The following GSG1L variants were observed in gnomAD, a reference collection of about 807,000 sequenced individuals.
GSG1L encodes germ cell-specific gene 1-like protein.
GSG1L carries 24 observed loss-of-function variants against 42.1 expected under a neutral mutation model. The ratio of observed to expected loss-of-function variants is 0.57; its 90% CI spans 0.41 to 0.80. The LOEUF (loss-of-function observed/expected upper bound fraction) is 0.80. GSG1L is among the 30% of genes least tolerant of loss of function. The probability of loss-of-function intolerance (pLI) is 0.00; values close to 1 mark genes in which losing one functional copy is unlikely to be tolerated. For missense variants in GSG1L, 445 were observed against 472.2 expected, an observed-to-expected ratio of 0.94 and a Z score of 0.53; for synonymous variants, 215 against 203.5, an observed-to-expected ratio of 1.06 and a Z score of -0.48.
At chr16:28,039,070 C>T (rs911282003) in intron 1 of GSG1L, among the ~76,000 whole-genome samples, 3 of 152,122 alleles carry the variant, frequency 2.0e-5, no homozygotes, top group Non-Finnish European at 4.4e-5. Flanking sequence ...TTTTTCTAAC[C>T]TTAGAAAAGA....
chr16:27,872,525 G>A (rs572764370), intron 3 of GSG1L, among the ~76,000 whole-genome samples: 8 of 152,268 alleles, frequency 5.3e-5, no homozygotes, highest in African/African-American at 1.9e-4. Context: ...GGTAAAATGA[G>A]GCTGAGACCT....
intron 1 of GSG1L, among the ~76,000 whole-genome samples, chr16:28,005,109 TC>T (rs968362548): frequency 2.6e-5 from 4 of 152,164 alleles, no homozygotes; most frequent in African/African-American, 9.7e-5. Flanking sequence ...AGGATCTGTT[TC>T]CGGCCTCTCT....
chr16:27,955,189 A>G (rs1262627789), intron 2 of GSG1L, among the ~76,000 whole-genome samples: 1 of 152,216 alleles, frequency 6.6e-6, no homozygotes, highest in African/African-American at 2.4e-5. Flanking sequence ...GTAGAGAAGC[A>G]AACTTAAAAA....
At chr16:27,906,808 T>G (rs2141047723) in intron 2 of GSG1L, among the ~76,000 whole-genome samples, 1 of 152,318 alleles carries the variant, frequency 6.6e-6, no homozygotes, top group Non-Finnish European at 1.5e-5. Flanking sequence ...TTTACCCGTC[T>G]GTGAAACGGG....
At chr16:28,062,892 CT>C (rs1162707660) in intron 1 of GSG1L, among the ~76,000 whole-genome samples, 183 bp downstream of exon 1, 3 of 152,024 alleles carry the variant, frequency 2.0e-5, no homozygotes, top group Admixed American at 6.5e-5. Context: ...TCCCCCCATG[CT>C]GGTCCCCGGC....
intron 1 of GSG1L, among the ~76,000 whole-genome samples, chr16:28,054,078 A>G (rs1226748034): frequency 6.9e-6 from 1 of 144,946 alleles, no homozygotes; most frequent in Admixed American, 6.8e-5. Flanking sequence ...GTCACTCCCC[A>G]CTCCTCACAA....
chr16:27,886,079 T>C (rs1011930764), intron 2 of GSG1L, among the ~76,000 whole-genome samples: 3 of 152,298 alleles, frequency 2.0e-5, no homozygotes, highest in African/African-American at 7.2e-5. Flanking sequence ...CAGAGTGCCA[T>C]GTCCCTCCAA....
intron 1 of GSG1L, among the ~76,000 whole-genome samples, chr16:28,032,209 T>C (rs563257105): frequency 6.6e-6 from 1 of 152,342 alleles, no homozygotes; most frequent in South Asian, 2.1e-4. Flanking sequence ...AGGCTCTTTT[T>C]CTTAATTTTG....
chr16:27,984,600 G>A (rs578145731), intron 1 of GSG1L, among the ~76,000 whole-genome samples: 91 of 152,176 alleles, frequency 6.0e-4, no homozygotes, highest in African/African-American at 2.2e-3. Flanking sequence ...TTAATTAGAA[G>A]CTAATATTCA....
intron 2 of GSG1L, among the ~76,000 whole-genome samples, chr16:27,921,137 G>A (rs1268449482): frequency 1.3e-5 from 2 of 152,162 alleles, no homozygotes; most frequent in Non-Finnish European, 2.9e-5. Context: ...ACTCAGGCCT[G>A]ATGGTCAGCT....
intron 6 of GSG1L, among the ~76,000 whole-genome samples, chr16:27,799,958 G>A (rs920627901): frequency 6.6e-6 from 1 of 152,152 alleles, no homozygotes; most frequent in African/African-American, 2.4e-5. Flanking sequence ...CATCAGCATC[G>A]TGGAGAACTT....
intron 3 of GSG1L, among the ~76,000 whole-genome samples, chr16:27,864,940 G>C (rs949075187): frequency 1.8e-4 from 27 of 152,176 alleles, no homozygotes; most frequent in African/African-American, 5.6e-4. Context: ...CTCCCACTGA[G>C]TCCTACCGGG....
At chr16:27,944,627 A>AC (rs988883206) in intron 2 of GSG1L, among the ~76,000 whole-genome samples, 2 of 151,784 alleles carry the variant, frequency 1.3e-5, no homozygotes, top group African/African-American at 4.8e-5. Flanking sequence ...GCCTCAAAAA[A>AC]AAAAAAAAAG....
At chr16:27,799,473 A>G (rs995307575) in intron 6 of GSG1L, among the ~76,000 whole-genome samples, 3 of 152,218 alleles carry the variant, frequency 2.0e-5, no homozygotes, top group Non-Finnish European at 2.9e-5. Context: ...TGAGCCCAGG[A>G]TATCAAGGCT....
intron 2 of GSG1L, among the ~76,000 whole-genome samples, chr16:27,907,148 CG>C (rs1245326698): frequency 6.6e-6 from 1 of 152,172 alleles, no homozygotes; most frequent in Non-Finnish European, 1.5e-5. Flanking sequence ...GTTGAAGAGG[CG>C]GTCCCTTTCC....
At chr16:27,933,051 A>G (rs2084674355) in intron 2 of GSG1L, among the ~76,000 whole-genome samples, 1 of 152,128 alleles carries the variant, frequency 6.6e-6, no homozygotes, top group Non-Finnish European at 1.5e-5. Context: ...ACTAATACAC[A>G]TACTATTCAT....
chr16:27,882,224 C>T (rs2083967017), intron 3 of GSG1L, among the ~76,000 whole-genome samples: 1 of 152,192 alleles, frequency 6.6e-6, no homozygotes, highest in Non-Finnish European at 1.5e-5. Flanking sequence ...CCATGTAAGA[C>T]ATGACTTTGC....
chr16:28,020,782 G>A (rs988927928), intron 1 of GSG1L, among the ~76,000 whole-genome samples: 4 of 152,278 alleles, frequency 2.6e-5, no homozygotes, highest in African/African-American at 7.2e-5. Flanking sequence ...TTGTGAGGAC[G>A]CTCAAGCAGC....
intron 1 of GSG1L, among the ~76,000 whole-genome samples, chr16:27,995,197 C>CA (rs1242739521): frequency 6.6e-6 from 1 of 152,146 alleles, no homozygotes; most frequent in Non-Finnish European, 1.5e-5. Flanking sequence ...AGCAAGGCTG[C>CA]AAAAAGATGA....
Sources: gnomAD v4.1 joint callset for allele counts (sites outside exome capture counted in the v4.1 genomes callset) on GRCh38, gnomAD v4.1.1 for gene constraint, MANE v1.5 for transcripts, NCBI Gene and HGNC (gene_info 2026-07-23, HGNC 2026-07-21) for gene names.